The following DIP2C variants were observed in gnomAD, a reference collection of about 807,000 sequenced individuals.
The protein encoded by DIP2C is DIP2 acetate--CoA ligase C (putative).
Under a neutral mutation model 192.4 loss-of-function variants are expected in DIP2C, and 33 were observed. That is an observed-to-expected ratio of 0.17 (90% CI 0.13 to 0.23). The LOEUF is 0.23. Ranked by LOEUF, DIP2C falls within the 10% of genes least tolerant of loss-of-function variation. The probability of loss-of-function intolerance (pLI) is 1.00; values close to 1 mark genes in which losing one functional copy is unlikely to be tolerated. For missense variants in DIP2C, 1,537 were observed against 2,110.1 expected (o/e 0.73, Z 5.32); for synonymous variants, 979 against 864.1 (o/e 1.13, Z -2.33).
chr10:499,455 G>A (rs1044827240), intron 1 of DIP2C, among the ~76,000 whole-genome samples: 3 of 152,218 alleles, frequency 2.0e-5, no homozygotes, highest in African/African-American at 7.2e-5. Flanking sequence ...GGAGACCTCA[G>A]GAAACTTATG....
chr10:351,102 A>T (rs1273155854), intron 24 of DIP2C, among the ~76,000 whole-genome samples: 3 of 152,304 alleles, frequency 2.0e-5, no homozygotes, highest in African/African-American at 4.8e-5. Flanking sequence ...CGGGGACCAG[A>T]CACTGCGATT....
At chr10:549,715 CTT>C (rs1380041283) in intron 1 of DIP2C, among the ~76,000 whole-genome samples, 1 of 152,194 alleles carries the variant, frequency 6.6e-6, no homozygotes, top group Non-Finnish European at 1.5e-5. Context: ...GCCCTCGTCA[CTT>C]TTCACTCCCT....
At chr10:307,080 G>C (rs1190018232) in intron 32 of DIP2C, among the ~76,000 whole-genome samples, 2 of 151,978 alleles carry the variant, frequency 1.3e-5, no homozygotes, top group Admixed American at 1.3e-4. Flanking sequence ...CTCTGCACTT[G>C]TGGCCCCTCT....
chr10:393,968 C>T (rs1589692451), intron 10 of DIP2C, among the ~76,000 whole-genome samples: 1 of 152,146 alleles, frequency 6.6e-6, no homozygotes, highest in African/African-American at 2.4e-5. Context: ...GGTGGGAATG[C>T]AAATTAGCAC....
chr10:646,674 C>T (rs1588667055), intron 1 of DIP2C, among the ~76,000 whole-genome samples: 1 of 152,200 alleles, frequency 6.6e-6, no homozygotes, highest in African/African-American at 2.4e-5. Flanking sequence ...TGCATTCATT[C>T]ACCATATTAA....
chr10:610,370 T>C (rs577830010), intron 1 of DIP2C, among the ~76,000 whole-genome samples: 2 of 152,176 alleles, frequency 1.3e-5, no homozygotes, highest in Non-Finnish European at 2.9e-5. Context: ...GCACAAGATC[T>C]ACTATTGATA....
chr10:554,051 G>T (rs1048429462), intron 1 of DIP2C, among the ~76,000 whole-genome samples: 1 of 151,642 alleles, frequency 6.6e-6, no homozygotes, highest in African/African-American at 2.4e-5. Flanking sequence ...TAAGAGTGGC[G>T]AACAGGCAAG....
chr10:609,433 T>C (rs1467347844), intron 1 of DIP2C, among the ~76,000 whole-genome samples: 3 of 152,254 alleles, frequency 2.0e-5, no homozygotes, highest in South Asian at 2.1e-4. Flanking sequence ...CTTGAAATAC[T>C]AGCCACATCC....
intron 1 of DIP2C, among the ~76,000 whole-genome samples, chr10:628,323 T>C (rs979102416): frequency 3.9e-5 from 6 of 152,330 alleles, no homozygotes; most frequent in East Asian, 3.9e-4. Flanking sequence ...AACGAGACCA[T>C]TGGCCCAAAA....
At chr10:344,504 C>T (rs187709662) in intron 28 of DIP2C, among the ~76,000 whole-genome samples, 14 of 152,260 alleles carry the variant, frequency 9.2e-5, no homozygotes, top group African/African-American at 2.9e-4. Flanking sequence ...GTGCAGTGTG[C>T]AGAAATTTAT....
chr10:686,273 C>T (rs1831331221), intron 1 of DIP2C, among the ~76,000 whole-genome samples: 1 of 151,998 alleles, frequency 6.6e-6, no homozygotes, highest in Non-Finnish European at 1.5e-5. Flanking sequence ...ACCTGCAGGG[C>T]CTCCTCAGCC....
intron 3 of DIP2C, among the ~76,000 whole-genome samples, chr10:449,920 C>CAAA (rs59135780): frequency 0.015 from 1,989 of 135,800 alleles, 51 homozygotes; most frequent in African/African-American, 0.057. Flanking sequence ...TCAACAACAA[C>CAAA]AAAAAAAAAA....
At chr10:332,626 A>G (rs1957553612) in intron 29 of DIP2C, among the ~76,000 whole-genome samples, 1 of 152,264 alleles carries the variant, frequency 6.6e-6, no homozygotes, top group African/African-American at 2.4e-5. Flanking sequence ...TTATTCTCTG[A>G]GAATGTTGGG....
At chr10:498,538 T>C (rs575243228) in intron 1 of DIP2C, among the ~76,000 whole-genome samples, 43 of 152,252 alleles carry the variant, frequency 2.8e-4, no homozygotes, top group Non-Finnish European at 3.7e-4. Context: ...TCCTCCCTGC[T>C]GCCCAGGGGG....
At chr10:449,273 T>G (rs890237007) in intron 3 of DIP2C, among the ~76,000 whole-genome samples, 4 of 152,196 alleles carry the variant, frequency 2.6e-5, no homozygotes, top group Non-Finnish European at 5.9e-5. Context: ...AAGCTCATCT[T>G]GTGTAACAAA....
At chr10:427,013 A>G (rs1966638195) in intron 4 of DIP2C, among the ~76,000 whole-genome samples, 1 of 152,228 alleles carries the variant, frequency 6.6e-6, no homozygotes, top group African/African-American at 2.4e-5. Flanking sequence ...ATAGAAAACT[A>G]CTAAGTTTTA....
At position 275,146 on chromosome 10, in the gene DIP2C, T is replaced by A. The variant is rs1487237604; in HGVS notation, c.*2179A>T. The A allele has an allele frequency of 1.3e-5, 2 of 152,278 alleles. No homozygotes were observed. The highest frequency in any genetic ancestry group is 2.4e-5 in the African/African-American group (1 of 41,460). 9.4% of individuals were successfully genotyped at this position (152,278 alleles called of 1,614,324 possible). On this transcript the variant is annotated 3_prime_UTR_variant, in exon 37 of 37. Transcript: ENST00000280886. ...AGTTGAAATTATGTTTGAAGTGACA[T>A]CTACATTTGTTTTGCTTCCTGACTT...
intron 1 of DIP2C, among the ~76,000 whole-genome samples, chr10:566,204 G>A (rs756035099): frequency 8.6e-5 from 13 of 151,788 alleles, no homozygotes; most frequent in South Asian, 2.1e-4. Flanking sequence ...AACTGTAATC[G>A]TAGTTACCAT....
intron 1 of DIP2C, among the ~76,000 whole-genome samples, chr10:509,741 G>A (rs1342370031): frequency 4.6e-5 from 7 of 152,122 alleles, no homozygotes; most frequent in Admixed American, 3.3e-4. Flanking sequence ...CCACAAAGTC[G>A]CTCCCATCCT....
Sources: gnomAD v4.1 joint callset for allele counts (sites outside exome capture counted in the v4.1 genomes callset) on GRCh38, gnomAD v4.1.1 for gene constraint, MANE v1.5 for transcripts, NCBI Gene and HGNC (gene_info 2026-07-23, HGNC 2026-07-21) for gene names.